Variants in ZNF599 observed in about 807,000 individuals in gnomAD.
The protein encoded by ZNF599 is zinc finger protein 599.
A neutral mutation model predicts 11.7 loss-of-function variants in ZNF599; 10 were observed. The ratio of observed to expected loss-of-function variants is 0.86; its 90% confidence interval spans 0.53 to 1.45. The LOEUF is 1.45. Ranked by LOEUF, ZNF599 falls within the 40% of genes most tolerant of loss-of-function variation. The probability of loss-of-function intolerance (pLI) is 0.00; values close to 1 mark genes in which losing one functional copy is unlikely to be tolerated. For missense variants in ZNF599, 688 were observed against 713.6 expected, an observed-to-expected ratio of 0.96 and a Z score of 0.41; for synonymous variants, 232 against 253.2, an observed-to-expected ratio of 0.92 and a Z score of 0.79.
chr19:34,772,835 C>T lies in ZNF599; in HGVS notation c.7G>A (p.Ala3Thr). 1 of 1,519,678 alleles carries T rather than the reference C, an allele frequency of 6.6e-7. No individual in the cohort carries two copies. The highest frequency in any genetic ancestry group is 1.4e-5 in the African/African-American group (1 of 70,644). The allele number at this position is 1,519,678 out of a possible 1,614,324, so 94.1% of individuals were successfully genotyped here. Residue 3 changes from alanine (A) to threonine (T), a missense_variant, in exon 1 of 4, where the codon GCG (alanine) becomes ACG (threonine). Transcript: ENST00000329285. MA[A>T]PALALVSFED... Reference sequence around the variant, plus strand: ...AACCCTCCACTCACCAACGCCGGCGCCGCCATGGGCCCAGGGGGCTGGGTG... The same window carrying T: ...AACCCTCCACTCACCAACGCCGGCGTCGCCATGGGCCCAGGGGGCTGGGTG...
intron 3 of ZNF599, chr19:34,764,453 T>G (rs2069130264): frequency 6.6e-6 from 1 of 152,202 alleles, no homozygotes; most frequent in African/African-American, 2.4e-5. Flanking sequence ...TGGGTTTATA[T>G]CCAACAAAAA....
At chr19:34,792,568 T>G in the ZNF599 span, among the ~76,000 whole-genome samples, 2 of 152,228 alleles carry the variant, frequency 1.3e-5, no homozygotes, top group South Asian at 4.1e-4. Flanking sequence ...AGACTGAAAT[T>G]AATCCTTGTG....
chr19:34,780,640 A>C, the ZNF599 span, among the ~76,000 whole-genome samples: 15 of 143,110 alleles, frequency 1.0e-4, no homozygotes, highest in African/African-American at 3.9e-4. Context: ...AAAGGAAAGG[A>C]AAGAAAGAGA....
chr19:34,761,423 G>GT (rs2145451439), intron 3 of ZNF599, among the ~76,000 whole-genome samples: 1 of 152,258 alleles, frequency 6.6e-6, no homozygotes, highest in East Asian at 1.9e-4. Flanking sequence ...TCTCAATAGG[G>GT]TTTTTCACAG....
chr19:34,776,886 A>G (rs1407839149), upstream of ZNF599, among the ~76,000 whole-genome samples: 2 of 152,126 alleles, frequency 1.3e-5, no homozygotes, highest in African/African-American at 4.8e-5. Context: ...TTATGCAGAA[A>G]TTTCTGTGGA....
chr19:34,774,899 G>A (rs971746547), upstream of ZNF599, among the ~76,000 whole-genome samples: 4 of 152,088 alleles, frequency 2.6e-5, no homozygotes, highest in Non-Finnish European at 4.4e-5. Context: ...TGGATCGTGA[G>A]GGTAGATTTC....
chr19:34,767,437 ATG>A (rs1555768630), intron 2 of ZNF599, 26 bp from the exon 3 acceptor site: 8 of 1,576,168 alleles, frequency 5.1e-6, no homozygotes, highest in Non-Finnish European at 7.0e-6. Context: ...CAAATGGAGT[ATG>A]GTGTACAGGG....
chr19:34,791,277 A>G, the ZNF599 span, among the ~76,000 whole-genome samples: 57,235 of 152,082 alleles, frequency 0.38, 11,302 homozygotes, highest in Non-Finnish European at 0.44. Context: ...GCAAGTGGGC[A>G]TGACTTCTCT....
the ZNF599 span, among the ~76,000 whole-genome samples, chr19:34,793,931 T>G: frequency 6.6e-6 from 1 of 152,216 alleles, no homozygotes; most frequent in African/African-American, 2.4e-5. Context: ...TAGTCAGTTT[T>G]CACGCTGCAG....
intron 1 of ZNF599, among the ~76,000 whole-genome samples, chr19:34,770,456 A>G (rs1375882771): frequency 6.6e-6 from 1 of 152,234 alleles, no homozygotes; most frequent in Non-Finnish European, 1.5e-5. Context: ...GGAAGAGCAG[A>G]GCCTTCCTTT....
At chr19:34,785,803 C>T in the ZNF599 span, among the ~76,000 whole-genome samples, 1 of 152,196 alleles carries the variant, frequency 6.6e-6, no homozygotes. Flanking sequence ...GTGCCCTTGT[C>T]AGTAAAACAT....
In ZNF599 at chr19:34,772,848, A is replaced by AG. The variant is rs759481409; in HGVS notation, c.-8dup. The AG allele has an allele frequency of 2.1e-5, 31 of 1,508,902 alleles. No homozygotes were observed. Among genetic ancestry groups the AG allele is most frequent in the South Asian group, 7.4e-5 (6 of 80,848 alleles). 93.5% of individuals were successfully genotyped at this position (1,508,902 alleles called of 1,614,324 possible). A position where few individuals can be genotyped will look rare whatever the true frequency, so the allele number is the denominator to read the frequency against. On this transcript the variant is annotated 5_prime_UTR_variant, in exon 1 of 4. Transcript: ENST00000329285. ...CCAACGCCGGCGCCGCCATGGGCCC[A>AG]GGGGGCTGGGTGAGGCCGTGAGAGT... is the stretch of plus-strand genomic sequence containing the variant.
At chr19:34,764,834 ATATAAAACTT>A (rs1020246897) in intron 3 of ZNF599, 20 of 152,236 alleles carry the variant, frequency 1.3e-4, no homozygotes, top group African/African-American at 4.8e-4. Context: ...ACTTGTACAT[ATATAAAACTT>A]TATAGAAATG....
the ZNF599 span, among the ~76,000 whole-genome samples, chr19:34,780,686 G>A: frequency 7.1e-6 from 1 of 140,098 alleles, no homozygotes; most frequent in African/African-American, 2.7e-5. Context: ...GGGGGAGGGA[G>A]GAAGGAAGAG....
the ZNF599 span, among the ~76,000 whole-genome samples, chr19:34,800,688 C>G: frequency 6.6e-6 from 1 of 151,508 alleles, no homozygotes; most frequent in Non-Finnish European, 1.5e-5. Flanking sequence ...CTCTGCCCCC[C>G]GGGTCCAAGC....
chr19:34,764,055 C>T (rs1283761423), intron 3 of ZNF599: 1 of 152,192 alleles, frequency 6.6e-6, no homozygotes, highest in Non-Finnish European at 1.5e-5. Context: ...GCACACTAGC[C>T]TAGGCGACAG....
chr19:34,774,706 T>C (rs1317778173), upstream of ZNF599, among the ~76,000 whole-genome samples: 1 of 152,182 alleles, frequency 6.6e-6, no homozygotes, highest in East Asian at 1.9e-4. Context: ...TTCCATTCTA[T>C]TATTTATCCT....
chr19:34,780,710 G>A, the ZNF599 span, among the ~76,000 whole-genome samples: 1 of 144,876 alleles, frequency 6.9e-6, no homozygotes, highest in Non-Finnish European at 1.5e-5. Context: ...AAGCAAGAAA[G>A]AGAAAGAAGG....
chr19:34,778,320 A>AAT, the ZNF599 span, among the ~76,000 whole-genome samples: 107 of 151,322 alleles, frequency 7.1e-4, no homozygotes, highest in Middle Eastern at 6.8e-3. Flanking sequence ...TATAATAAAA[A>AAT]ATATATATAT....
Sources: gnomAD v4.1 joint callset for allele counts (sites outside exome capture counted in the v4.1 genomes callset) on GRCh38, gnomAD v4.1.1 for gene constraint, MANE v1.5 for transcripts, NCBI Gene and HGNC (gene_info 2026-07-23, HGNC 2026-07-21) for gene names.